Variants in ADGRB3 observed in about 807,000 individuals in gnomAD.
ADGRB3 encodes the protein brain-specific angiogenesis inhibitor 3.
In ADGRB3, 37 loss-of-function variants were observed where a neutral mutation model predicts 193.4. That is an observed-to-expected ratio of 0.19 (90% CI 0.15 to 0.25). The LOEUF is 0.25. ADGRB3 is among the 10% of genes least tolerant of loss of function. The pLI, the probability that ADGRB3 is intolerant of heterozygous loss-of-function variation, is 1.00. For synonymous variants in ADGRB3, 690 were observed against 644.2 expected, an observed-to-expected ratio of 1.07 and a Z score of -1.08; for missense variants, 1,637 against 1,852.9, an observed-to-expected ratio of 0.88 and a Z score of 2.14.
At chr6:68,960,838 G>T (rs902691203) in intron 8 of ADGRB3, among the ~76,000 whole-genome samples, 1 of 152,122 alleles carries the variant, frequency 6.6e-6, no homozygotes, top group Non-Finnish European at 1.5e-5. Flanking sequence ...ATGAGCCTGA[G>T]AATCTGCATT....
chr6:68,689,790 T>G (rs1199221467), intron 3 of ADGRB3, among the ~76,000 whole-genome samples: 1 of 152,184 alleles, frequency 6.6e-6, no homozygotes, highest in Non-Finnish European at 1.5e-5. Flanking sequence ...AATATATTTG[T>G]GAAGGGGACA....
intron 3 of ADGRB3, among the ~76,000 whole-genome samples, chr6:68,747,553 T>C (rs1766108807): frequency 6.6e-6 from 1 of 152,230 alleles, no homozygotes; most frequent in Non-Finnish European, 1.5e-5. Context: ...AATCTGAACA[T>C]ACTATTTCCA....
At chr6:69,194,247 T>C (rs1582534836) in intron 17 of ADGRB3, among the ~76,000 whole-genome samples, 2 of 152,158 alleles carry the variant, frequency 1.3e-5, no homozygotes, top group South Asian at 4.1e-4. Flanking sequence ...TCAGATAGAC[T>C]GGAAATGAGA....
intron 17 of ADGRB3, among the ~76,000 whole-genome samples, chr6:69,190,125 T>A (rs1348801706): frequency 6.6e-6 from 1 of 152,196 alleles, no homozygotes; most frequent in African/African-American, 2.4e-5. Flanking sequence ...TATATTGTAC[T>A]GTTTATCATT....
chr6:69,191,866 G>T (rs970464374), intron 17 of ADGRB3, among the ~76,000 whole-genome samples: 1 of 152,082 alleles, frequency 6.6e-6, no homozygotes, highest in Non-Finnish European at 1.5e-5. Flanking sequence ...AAGATTTGAG[G>T]GTTGGAAAGC....
chr6:69,320,757 T>G (rs1768433847), intron 20 of ADGRB3, among the ~76,000 whole-genome samples: 1 of 151,540 alleles, frequency 6.6e-6, no homozygotes, highest in African/African-American at 2.4e-5. Context: ...TGATAGCTTT[T>G]AAGATTTTTC....
chr6:68,879,042 A>G (rs79832123), intron 3 of ADGRB3, among the ~76,000 whole-genome samples: 1 of 152,116 alleles, frequency 6.6e-6, no homozygotes, highest in Non-Finnish European at 1.5e-5. Context: ...AAGCTACAAG[A>G]TGAGATTTGG....
At chr6:68,646,819 G>A (rs1324998118) in intron 3 of ADGRB3, among the ~76,000 whole-genome samples, 3 of 152,158 alleles carry the variant, frequency 2.0e-5, no homozygotes, top group African/African-American at 7.2e-5. Flanking sequence ...GTGTGTTGTG[G>A]AGAGGAAGGG....
intron 17 of ADGRB3, among the ~76,000 whole-genome samples, chr6:69,131,995 A>G (rs1203763987): frequency 2.6e-5 from 4 of 152,140 alleles, no homozygotes; most frequent in Non-Finnish European, 5.9e-5. Context: ...CATGGCGTAT[A>G]TGTGCCATAT....
intron 3 of ADGRB3, among the ~76,000 whole-genome samples, chr6:68,864,896 T>C (rs1765252125): frequency 6.6e-6 from 1 of 152,004 alleles, no homozygotes; most frequent in Non-Finnish European, 1.5e-5. Flanking sequence ...CTGAATAGAT[T>C]GTTGATTACA....
chr6:69,202,077 A>G (rs1005456778), intron 17 of ADGRB3, among the ~76,000 whole-genome samples: 1 of 152,142 alleles, frequency 6.6e-6, no homozygotes, highest in Non-Finnish European at 1.5e-5. Context: ...GTCCTTCCTC[A>G]GTGTTCTACA....
chr6:69,090,697 A>T (rs1164930644), intron 17 of ADGRB3, among the ~76,000 whole-genome samples: 1 of 152,212 alleles, frequency 6.6e-6, no homozygotes, highest in Admixed American at 6.5e-5. Flanking sequence ...TTTCATTAGC[A>T]AAGGGCTATA....
chr6:69,317,164 T>C (rs1404562688), intron 20 of ADGRB3, among the ~76,000 whole-genome samples: 2 of 151,538 alleles, frequency 1.3e-5, no homozygotes, highest in Admixed American at 6.6e-5. Context: ...GCATATTTAT[T>C]TGTAAAAATT....
At chr6:68,744,728 G>A (rs917200424) in intron 3 of ADGRB3, among the ~76,000 whole-genome samples, 2 of 151,994 alleles carry the variant, frequency 1.3e-5, no homozygotes, top group Non-Finnish European at 2.9e-5. Context: ...CACACACCAG[G>A]GCCTGTTGGG....
At chr6:68,861,550 A>G (rs912098970) in intron 3 of ADGRB3, among the ~76,000 whole-genome samples, 1 of 152,154 alleles carries the variant, frequency 6.6e-6, no homozygotes, top group Admixed American at 6.5e-5. Flanking sequence ...CAACAGAGCG[A>G]GACTCCATCT....
intron 3 of ADGRB3, among the ~76,000 whole-genome samples, chr6:68,648,770 G>A (rs1182406364): frequency 6.8e-6 from 1 of 146,968 alleles, no homozygotes; most frequent in Non-Finnish European, 1.5e-5. Flanking sequence ...TTCTTTTTAA[G>A]GTGATTTTTA....
chr6:69,118,161 T>C (rs575702917), intron 17 of ADGRB3, among the ~76,000 whole-genome samples: 1 of 152,054 alleles, frequency 6.6e-6, no homozygotes, highest in Non-Finnish European at 1.5e-5. Context: ...ACTTGGAAAA[T>C]GAGGTGGTTG....
At chr6:68,749,670 T>C (rs1766157990) in intron 3 of ADGRB3, among the ~76,000 whole-genome samples, 2 of 152,076 alleles carry the variant, frequency 1.3e-5, no homozygotes, top group Admixed American at 1.3e-4. Context: ...TCACTATGAT[T>C]GCCTATTCTA....
At chr6:68,954,070 G>T (rs1246976447) in intron 6 of ADGRB3, among the ~76,000 whole-genome samples, 2 of 152,122 alleles carry the variant, frequency 1.3e-5, no homozygotes, top group African/African-American at 4.8e-5. Flanking sequence ...TGGCATATGG[G>T]ATTGTGCCTT....
Sources: allele counts gnomAD v4.1 joint callset (sites outside exome capture counted in the v4.1 genomes callset), GRCh38; gene constraint gnomAD v4.1.1; transcripts MANE v1.5; gene names NCBI Gene and HGNC (gene_info 2026-07-23, HGNC 2026-07-21).